The following RARB variants were observed in gnomAD, a reference collection of about 807,000 sequenced individuals.
The protein encoded by RARB is HBV-activated protein.
RARB carries 17 observed loss-of-function variants against 51.9 expected under a neutral mutation model. The ratio of observed to expected loss-of-function variants is 0.33; its 90% CI spans 0.22 to 0.49. RARB has a LOEUF of 0.49. RARB is among the 20% of genes least tolerant of loss of function. The pLI, the probability that RARB is intolerant of heterozygous loss-of-function variation, is 0.99. For missense variants in RARB, 369 were observed against 550.8 expected, an observed-to-expected ratio of 0.67 and a Z score of 3.30; for synonymous variants, 215 against 195.4, an observed-to-expected ratio of 1.10 and a Z score of -0.84.
intron 2 of RARB, among the ~76,000 whole-genome samples, chr3:25,469,989 G>A (rs896001596): frequency 2.0e-5 from 3 of 152,174 alleles, no homozygotes; most frequent in African/African-American, 7.2e-5. Flanking sequence ...GAGTGGTGCT[G>A]GGTGCAAGGT....
At chr3:25,358,524 A>C (rs1575339600) in intron 5 of RARB, among the ~76,000 whole-genome samples, 2 of 152,294 alleles carry the variant, frequency 1.3e-5, no homozygotes, top group Non-Finnish European at 2.9e-5. Context: ...TATGTTGAAT[A>C]GGAGTGGTGA....
intron 2 of RARB, among the ~76,000 whole-genome samples, chr3:25,483,356 C>G (rs1696321314): frequency 6.6e-6 from 1 of 151,944 alleles, no homozygotes; most frequent in Non-Finnish European, 1.5e-5. Flanking sequence ...TTTATTTGAA[C>G]CTAGAAAAAG....
At chr3:25,357,784 C>A (rs1250989597) in intron 5 of RARB, among the ~76,000 whole-genome samples, 2 of 152,062 alleles carry the variant, frequency 1.3e-5, no homozygotes, top group African/African-American at 4.8e-5. Flanking sequence ...TTCCCCATTT[C>A]TTGTTTTTGT....
intron 2 of RARB, among the ~76,000 whole-genome samples, chr3:24,894,265 G>A (rs1038874558): frequency 1.2e-4 from 18 of 147,290 alleles, no homozygotes; most frequent in African/African-American, 3.3e-4. Flanking sequence ...ACACTGTGCC[G>A]CCCCCGCCCC....
chr3:24,955,351 G>A (rs570802590), intron 2 of RARB, among the ~76,000 whole-genome samples: 3 of 151,516 alleles, frequency 2.0e-5, no homozygotes, highest in East Asian at 2.0e-4. Flanking sequence ...GAGGTCTGGG[G>A]TTTATATAAA....
intron 5 of RARB, among the ~76,000 whole-genome samples, chr3:25,270,926 G>T (rs1410003382): frequency 6.6e-6 from 1 of 152,196 alleles, no homozygotes; most frequent in Non-Finnish European, 1.5e-5. Flanking sequence ...TTTGTGTCGG[G>T]GCTTAAGCCC....
chr3:25,189,897 G>A (rs1214930468), intron 5 of RARB, among the ~76,000 whole-genome samples: 2 of 152,012 alleles, frequency 1.3e-5, no homozygotes, highest in Admixed American at 6.6e-5. Context: ...AAAGGAACAG[G>A]AAAGAAAGAA....
chr3:25,015,520 C>A (rs1697490325), intron 2 of RARB, among the ~76,000 whole-genome samples: 1 of 152,132 alleles, frequency 6.6e-6, no homozygotes, highest in African/African-American at 2.4e-5. Flanking sequence ...CTGACCCAGG[C>A]ATAATGGGAA....
chr3:25,152,910 C>T (rs1249130645), intron 4 of RARB, among the ~76,000 whole-genome samples: 6 of 152,040 alleles, frequency 3.9e-5, no homozygotes, highest in East Asian at 1.9e-4. Context: ...TCTAAAACTT[C>T]GGAAAATAGG....
chr3:25,100,591 T>A (rs1227337128), intron 3 of RARB, among the ~76,000 whole-genome samples: 1 of 152,168 alleles, frequency 6.6e-6, no homozygotes, highest in Non-Finnish European at 1.5e-5. Flanking sequence ...ATTTTATGTT[T>A]CCACTGATCT....
At chr3:25,101,334 A>G (rs1041324657) in intron 3 of RARB, among the ~76,000 whole-genome samples, 1 of 152,188 alleles carries the variant, frequency 6.6e-6, no homozygotes, top group Admixed American at 6.5e-5. Flanking sequence ...AAAGTAATAA[A>G]CATGTACATC....
intron 1 of RARB, among the ~76,000 whole-genome samples, chr3:24,838,924 CA>C (rs1309440895): frequency 9.9e-6 from 1 of 100,590 alleles, no homozygotes; most frequent in African/African-American, 4.5e-5. Context: ...GTAAAATCTC[CA>C]GGTTTTTTTT....
chr3:25,357,265 G>C (rs1177717243), intron 5 of RARB, among the ~76,000 whole-genome samples: 1 of 152,194 alleles, frequency 6.6e-6, no homozygotes, highest in East Asian at 1.9e-4. Context: ...TTAATGACCA[G>C]TGATAATGAG....
chr3:24,970,600 CACACAA>C (rs372347327), intron 2 of RARB, among the ~76,000 whole-genome samples: 1 of 134,158 alleles, frequency 7.5e-6, no homozygotes, highest in African/African-American at 2.8e-5. Context: ...CACACACACA[CACACAA>C]ACACACCCCC....
At chr3:24,883,064 C>A (rs751721735) in intron 2 of RARB, among the ~76,000 whole-genome samples, 1 of 152,184 alleles carries the variant, frequency 6.6e-6, no homozygotes, top group Non-Finnish European at 1.5e-5. Context: ...AAGAGCCTTT[C>A]TCCTTGTGAC....
At chr3:24,986,401 TAA>T (rs1696795213) in intron 2 of RARB, among the ~76,000 whole-genome samples, 1 of 152,196 alleles carries the variant, frequency 6.6e-6, no homozygotes, top group African/African-American at 2.4e-5. Flanking sequence ...ATCTGGAAGA[TAA>T]AAATTATTTT....
At chr3:25,526,045 C>G (rs533923424) in intron 3 of RARB, among the ~76,000 whole-genome samples, 3 of 152,282 alleles carry the variant, frequency 2.0e-5, no homozygotes, top group Admixed American at 2.0e-4. Context: ...GCATAATTAA[C>G]AATCAAGCTG....
Position 25,219,901 on chromosome 3 carries a change from A to G in RARB, c.178+45326A>G, listed in dbSNP as rs568225128. 3.9e-5 allele frequency among the ~76,000 whole-genome samples: 6 copies of G among 152,356 alleles called. 1 individual carries two copies. Among genetic ancestry groups the G allele is most frequent in the African/African-American group, 1.2e-4 (5 of 41,590 alleles). ...AGGAAAAAATAATCTAAGAGCAGAA[A>G]TGGAAGTAAATCTGCATAATGTGGC... On this transcript the variant is annotated intron_variant, in intron 5 of 11. Coordinates refer to the RARB transcript ENST00000383772.
intron 5 of RARB, among the ~76,000 whole-genome samples, chr3:25,408,206 G>A (rs1707465386): frequency 6.6e-6 from 1 of 152,130 alleles, no homozygotes; most frequent in South Asian, 2.1e-4. Flanking sequence ...AACATCTAAT[G>A]ATGGGCTATG....
Sources: gnomAD v4.1 joint callset for allele counts (sites outside exome capture counted in the v4.1 genomes callset) on GRCh38, gnomAD v4.1.1 for gene constraint, MANE v1.5 for transcripts, NCBI Gene and HGNC (gene_info 2026-07-23, HGNC 2026-07-21) for gene names.